The following ASIP variants were observed in gnomAD, a reference collection of about 807,000 sequenced individuals.
ASIP encodes agouti-signaling protein.
Under a neutral mutation model 10.3 loss-of-function variants are expected in ASIP, and 11 were observed. That is an observed-to-expected ratio of 1.07 (90% confidence interval 0.68 to 1.78). ASIP has a LOEUF of 1.78. ASIP is among the 40% of genes most tolerant of loss of function. The probability of loss-of-function intolerance (pLI) is 0.00; values close to 1 mark genes in which losing one functional copy is unlikely to be tolerated. For synonymous variants in ASIP, 70 were observed against 70.8 expected, an observed-to-expected ratio of 0.99 and a Z score of 0.06; for missense variants, 180 against 169.2, an observed-to-expected ratio of 1.06 and a Z score of -0.35.
At chr20:34,221,823 G>C (rs1403957146) in intron 1 of ASIP, among the ~76,000 whole-genome samples, 1 of 152,132 alleles carries the variant, frequency 6.6e-6, no homozygotes, top group African/African-American at 2.4e-5. Context: ...GTAATGAAGA[G>C]ATTAGGCCAG....
At chr20:34,199,588 A>G (rs2034880205) in intron 1 of ASIP, among the ~76,000 whole-genome samples, 1 of 152,034 alleles carries the variant, frequency 6.6e-6, no homozygotes, top group South Asian at 2.1e-4. Context: ...CTTTTTACAT[A>G]TTTATTGGCC....
intron 2 of ASIP, among the ~76,000 whole-genome samples, chr20:34,261,135 CA>C (rs1372913411): frequency 1.3e-5 from 2 of 152,250 alleles, no homozygotes; most frequent in African/African-American, 4.8e-5. Flanking sequence ...AATTCAAAAT[CA>C]GGTACTTAAC....
At chr20:34,233,334 A>G (rs925308485) in intron 1 of ASIP, among the ~76,000 whole-genome samples, 1 of 151,814 alleles carries the variant, frequency 6.6e-6, no homozygotes, top group Admixed American at 6.6e-5. Flanking sequence ...TTTTTAGTAG[A>G]GATGGGGTTT....
At chr20:34,217,143 G>GAA (rs1258657343) in intron 1 of ASIP, among the ~76,000 whole-genome samples, 4 of 152,096 alleles carry the variant, frequency 2.6e-5, no homozygotes, top group African/African-American at 7.3e-5. Context: ...GGTCCCAGCT[G>GAA]AAAGCCTGGA....
In ASIP at chr20:34,203,885, G is replaced by A. The variant is rs147880267; in HGVS notation, c.-11+9125G>A. Among the ~76,000 whole-genome samples, 1,055 of 151,924 alleles carry A rather than the reference G, an allele frequency of 6.9e-3. 13 individuals are homozygous for A. The highest frequency in any genetic ancestry group is 0.025 in the African/African-American group (1,016 of 41,376). On this transcript the variant is annotated intron_variant, in intron 1 of 3. Transcript: ENST00000568305. The stretch of plus-strand genomic sequence containing the variant: ...ATTACAGGCACACGCCACCATACCC[G>A]GCTAATTTTGTATTTTTAGTAGAGA...
intron 1 of ASIP, among the ~76,000 whole-genome samples, chr20:34,223,963 G>T (rs1415840389): frequency 9.1e-6 from 1 of 109,860 alleles, no homozygotes; most frequent in South Asian, 3.6e-4. Context: ...TCCACTCAGG[G>T]TTAAATGGAT....
chr20:34,209,435 C>A (rs548625440), intron 1 of ASIP, among the ~76,000 whole-genome samples: 1 of 152,240 alleles, frequency 6.6e-6, no homozygotes, highest in Non-Finnish European at 1.5e-5. Context: ...GCAGGAACCC[C>A]ACCCTCCTGG....
At chr20:34,216,258 C>T (rs2035007774) in intron 1 of ASIP, among the ~76,000 whole-genome samples, 1 of 152,182 alleles carries the variant, frequency 6.6e-6, no homozygotes, top group African/African-American at 2.4e-5. Flanking sequence ...CTAACGCCGC[C>T]GCCGCCGTCG....
chr20:34,251,118 A>G (rs1294139744), intron 1 of ASIP, among the ~76,000 whole-genome samples: 1 of 152,188 alleles, frequency 6.6e-6, no homozygotes, highest in African/African-American at 2.4e-5. Flanking sequence ...ACTCACTGCT[A>G]TTAATACAAT....
At chr20:34,258,745 C>CA (rs1335279384) in intron 1 of ASIP, among the ~76,000 whole-genome samples, 1 of 57,404 alleles carries the variant, frequency 1.7e-5, no homozygotes, top group Non-Finnish European at 3.1e-5. Context: ...TATATATATA[C>CA]TATATATAAT....
At chr20:34,248,572 G>A (rs2035419158) in intron 1 of ASIP, among the ~76,000 whole-genome samples, 1 of 152,166 alleles carries the variant, frequency 6.6e-6, no homozygotes, top group Non-Finnish European at 1.5e-5. Flanking sequence ...GGAGGCCGAG[G>A]AGGCAGTGTC....
chr20:34,264,734 C>A (rs535802493), intron 3 of ASIP, among the ~76,000 whole-genome samples: 1 of 150,862 alleles, frequency 6.6e-6, no homozygotes, highest in Non-Finnish European at 1.5e-5. Flanking sequence ...TTCTTATAAT[C>A]GATCTCTACT....
At chr20:34,207,703 A>G (rs1392897132) in intron 1 of ASIP, among the ~76,000 whole-genome samples, 1 of 152,152 alleles carries the variant, frequency 6.6e-6, no homozygotes, top group Non-Finnish European at 1.5e-5. Context: ...TGATTTTTGT[A>G]TATGGTGAGA....
chr20:34,244,696 T>C (rs1014948916), intron 1 of ASIP, among the ~76,000 whole-genome samples: 4 of 152,238 alleles, frequency 2.6e-5, no homozygotes, highest in African/African-American at 9.6e-5. Flanking sequence ...TGTCTTCTAA[T>C]GTCAAAGAAG....
chr20:34,191,522 C>T (rs558218802), upstream of ASIP, among the ~76,000 whole-genome samples: 21 of 152,316 alleles, frequency 1.4e-4, no homozygotes, highest in Non-Finnish European at 2.8e-4. Flanking sequence ...TGCTCCTCAG[C>T]ACCATGCCTC....
chr20:34,196,794 G>A (rs2034860427), intron 1 of ASIP, among the ~76,000 whole-genome samples: 2 of 152,164 alleles, frequency 1.3e-5, no homozygotes, highest in Admixed American at 1.3e-4. Flanking sequence ...GGAAAAAGAT[G>A]AAGAATGGGA....
chr20:34,200,935 G>A (rs2034888015), intron 1 of ASIP, among the ~76,000 whole-genome samples: 1 of 147,186 alleles, frequency 6.8e-6, no homozygotes, highest in Non-Finnish European at 1.5e-5. Flanking sequence ...TGTTAGCTGT[G>A]TTTCAAACTT....
chr20:34,226,474 T>G (rs1431060870), intron 1 of ASIP, among the ~76,000 whole-genome samples: 1 of 152,192 alleles, frequency 6.6e-6, no homozygotes, highest in East Asian at 1.9e-4. Flanking sequence ...TGCCTCAGCC[T>G]CCCAGGTAGC....
intron 1 of ASIP, among the ~76,000 whole-genome samples, chr20:34,200,920 A>G (rs2034887940): frequency 6.6e-6 from 1 of 151,778 alleles, no homozygotes; most frequent in African/African-American, 2.4e-5. Flanking sequence ...TCTTGCCAAA[A>G]TAAGTGTTAG....
Sources: allele counts gnomAD v4.1 joint callset (sites outside exome capture counted in the v4.1 genomes callset), GRCh38; gene constraint gnomAD v4.1.1; transcripts MANE v1.5; gene names NCBI Gene and HGNC (gene_info 2026-07-23, HGNC 2026-07-21).